Variants in MLLT1 observed in about 807,000 individuals in gnomAD.
MLLT1 encodes the protein MLLT1 super elongation complex subunit.
A neutral mutation model predicts 55.1 loss-of-function variants in MLLT1; 11 were observed. The ratio of observed to expected loss-of-function variants is 0.20; its 90% CI spans 0.13 to 0.33. The LOEUF (loss-of-function observed/expected upper bound fraction) is 0.33, where lower values mean the gene tolerates loss of function less well. MLLT1 is among the 10% of genes least tolerant of loss of function. The probability of loss-of-function intolerance (pLI) is 1.00; values close to 1 mark genes in which losing one functional copy is unlikely to be tolerated. For synonymous variants in MLLT1, 323 were observed against 320.1 expected, an observed-to-expected ratio of 1.01 and a Z score of -0.10; for missense variants, 536 against 760.6, an observed-to-expected ratio of 0.70 and a Z score of 3.47.
chr19:6,266,707 T>C lies in MLLT1; in HGVS notation c.193+3872A>G, dbSNP rs150879249. 6.3e-3 allele frequency among the ~76,000 whole-genome samples: 959 copies of C among 152,286 alleles called. 8 individuals are homozygous for C. Among genetic ancestry groups the C allele is most frequent in the African/African-American group, 0.021 (861 of 41,564 alleles). On this transcript the variant is annotated intron_variant, in intron 2 of 11. Coordinates refer to ENST00000252674, the MANE Select transcript of MLLT1 (RefSeq NM_005934.4). The stretch of plus-strand genomic sequence containing the variant: ...CCTGATCTCAGGTGATCCGCCTGCC[T>C]CAGCCTCCCAAAGTTCTGGGATTAC...
chr19:6,246,589 A>G (rs958196743), intron 3 of MLLT1, among the ~76,000 whole-genome samples: 1 of 152,174 alleles, frequency 6.6e-6, no homozygotes, highest in African/African-American at 2.4e-5. Flanking sequence ...GGTAAACTAC[A>G]AGAATGGCAA....
At chr19:6,272,508 T>A (rs2091403503) in intron 1 of MLLT1, among the ~76,000 whole-genome samples, 1 of 152,176 alleles carries the variant, frequency 6.6e-6, no homozygotes, top group Non-Finnish European at 1.5e-5. Context: ...CCCTTTCTGG[T>A]AGCCACGCTG....
At chr19:6,249,273 T>C (rs2091195022) in intron 3 of MLLT1, among the ~76,000 whole-genome samples, 1 of 152,150 alleles carries the variant, frequency 6.6e-6, no homozygotes, top group Non-Finnish European at 1.5e-5. Context: ...TTTTGAACTT[T>C]TTTAACGCGG....
At position 6,212,433 on chromosome 19, in the gene MLLT1, T is replaced by C; in HGVS notation, c.*609A>G. 2 of 1,063,784 alleles carry C rather than the reference T, an allele frequency of 1.9e-6. No homozygotes were observed. The highest frequency in any genetic ancestry group is 5.0e-5 in the East Asian group (1 of 20,138). The allele number at this position is 1,063,784 out of a possible 1,614,324, so 65.9% of individuals were successfully genotyped here. On this transcript the variant is annotated 3_prime_UTR_variant, in exon 12 of 12. Transcript: ENST00000252674. ...CACCCCCCACCCACCCCACGTGCAC[T>C]GCTGCCACAGAAACGCACATGGACA... is the stretch of plus-strand genomic sequence containing the variant.
chr19:6,259,270 C>T (rs1237886595), intron 3 of MLLT1: 2 of 152,480 alleles, frequency 1.3e-5, no homozygotes, highest in South Asian at 2.1e-4. Flanking sequence ...CGAGCCCTGG[C>T]TACACCAGGT....
intron 3 of MLLT1, among the ~76,000 whole-genome samples, chr19:6,250,624 C>T (rs949988842): frequency 2.6e-5 from 4 of 152,230 alleles, no homozygotes; most frequent in Non-Finnish European, 4.4e-5. Flanking sequence ...GTGGATTCAA[C>T]GGCCCCTGGC....
intron 3 of MLLT1, among the ~76,000 whole-genome samples, chr19:6,233,018 G>A (rs548084327): frequency 7.2e-5 from 11 of 152,284 alleles, no homozygotes; most frequent in East Asian, 5.8e-4. Context: ...CTCTGGGCCC[G>A]GCGTCCTCTG....
chr19:6,260,015 C>G (rs754958034), intron 3 of MLLT1, among the ~76,000 whole-genome samples: 5 of 152,052 alleles, frequency 3.3e-5, no homozygotes, highest in Non-Finnish European at 7.4e-5. Context: ...TGAAGGGCAC[C>G]GAGGGAGCTG....
At position 6,216,504 on chromosome 19, in the gene MLLT1, C is replaced by T. The variant is rs780435265; in HGVS notation, c.1208G>A (p.Arg403His). ...PSQNHSQGPL[R>H]SMVEDLQSEE... Reference sequence around the variant, plus strand: ...GGACTGCAGGTCCTCCACCATGGAGCGCAGGGGTCCTGGGGAGGCGGGGCA... The same window carrying T: ...GGACTGCAGGTCCTCCACCATGGAGTGCAGGGGTCCTGGGGAGGCGGGGCA... The change falls in exon 8 of 12, where the codon CGC becomes CAC. Residue 403 changes from arginine (R) to histidine (H), a missense_variant. This residue lies in a region of MLLT1 where 449 missense variants were observed against 489.0 expected (regional missense o/e 0.92). Coordinates refer to ENST00000252674, the MANE Select transcript of MLLT1 (RefSeq NM_005934.4). The T allele has an allele frequency of 1.5e-5, 24 of 1,593,948 alleles. No individual in the cohort carries two copies. The highest frequency in any genetic ancestry group is 2.0e-5 in the Non-Finnish European group (23 of 1,170,890).
At chr19:6,220,072 G>A (rs1019526830) in intron 6 of MLLT1, among the ~76,000 whole-genome samples, 55 of 152,378 alleles carry the variant, frequency 3.6e-4, no homozygotes, top group African/African-American at 1.2e-3. Flanking sequence ...GGCAGCAGCT[G>A]GAGGACGTGG....
At chr19:6,243,765 C>T (rs148137706) in intron 3 of MLLT1, among the ~76,000 whole-genome samples, 1,993 of 152,222 alleles carry the variant, frequency 0.013, 42 homozygotes, top group African/African-American at 0.045. Flanking sequence ...GTCAATCGGC[C>T]GGGCACGGTG....
Position 6,212,931 on chromosome 19 carries a change from G to A in MLLT1, c.*111C>T. On this transcript the variant is annotated 3_prime_UTR_variant, in exon 12 of 12. Transcript: ENST00000252674. The stretch of plus-strand genomic sequence containing the variant: ...AGCGGGCTGTGCGGGCGAGGACAGG[G>A]CTGTCGCTAAGGCAGTGCTGCGGGC... 2.2e-6 allele frequency: 3 copies of A among 1,367,708 alleles called. No individual in the cohort carries two copies. The highest frequency in any genetic ancestry group is 2.0e-6 in the Non-Finnish European group (2 of 999,478). The allele number at this position is 1,367,708 out of a possible 1,614,324, so 84.7% of individuals were successfully genotyped here.
At chr19:6,278,491 A>G (rs558733780) in intron 1 of MLLT1, among the ~76,000 whole-genome samples, 5 of 149,100 alleles carry the variant, frequency 3.4e-5, no homozygotes, top group South Asian at 2.2e-4. Context: ...CTGGGGGAAA[A>G]AAACAGAAAA....
Position 6,217,934 on chromosome 19 carries a change from C to T in MLLT1, c.1198+20G>A, listed in dbSNP as rs374674967. 1.9e-6 allele frequency: 3 copies of T among 1,588,944 alleles called. No individual in the cohort carries two copies. Among genetic ancestry groups the T allele is most frequent in the African/African-American group, 1.4e-5 (1 of 73,298 alleles). On this transcript the variant is annotated intron_variant, in intron 7 of 11. Transcript: ENST00000252674. ...CCTCCCCGGCCCCATCCGTGCCCCC[C>T]AGCTGCTCTCCATACACACCTTGGC...
rs1468106642 is a variant in MLLT1, at chr19:6,242,858, A to G, written c.277-12145T>C. ...GAGCCGACACCGGCCACAGGAGAGGAAAGCAGGCCACTGTCATCTCAGATG... is the reference window on the plus strand; with the variant it reads ...GAGCCGACACCGGCCACAGGAGAGGGAAGCAGGCCACTGTCATCTCAGATG... On this transcript the variant is annotated intron_variant, in intron 3 of 11. Transcript: ENST00000252674. Among the ~76,000 whole-genome samples the G allele has an allele frequency of 5.3e-5, 8 of 152,122 alleles. No homozygotes were observed. In the South Asian group the frequency reaches 1.7e-3, roughly 32 times the overall value.
intron 1 of MLLT1, among the ~76,000 whole-genome samples, chr19:6,271,509 C>T (rs1303584000): frequency 3.3e-5 from 5 of 152,182 alleles, no homozygotes; most frequent in South Asian, 2.1e-4. Context: ...GAGCACATGT[C>T]GTGTCTGACA....
Position 6,230,791 on chromosome 19 carries a change from C to T in MLLT1, c.277-78G>A. The T allele has an allele frequency of 6.5e-7, 1 of 1,550,124 alleles. No individual in the cohort carries two copies. Among genetic ancestry groups the T allele is most frequent in the Non-Finnish European group, 8.8e-7 (1 of 1,137,652 alleles). ...GACACAGCTCCCCATTGGCCCTGGT[C>T]CTCCCCTCTCCCTCACTGGGCCTCT... On this transcript the variant is annotated intron_variant, in intron 3 of 11. Transcript: ENST00000252674. This position sits in a 1 kb window ranked among gnomAD's most constrained non-coding sequence, Gnocchi z 9.0.
intron 2 of MLLT1, among the ~76,000 whole-genome samples, chr19:6,266,479 C>T (rs1476992192): frequency 6.6e-6 from 1 of 152,050 alleles, no homozygotes; most frequent in Admixed American, 6.6e-5. Flanking sequence ...TTTTTTGAGA[C>T]AGAGTTTCTC....
intron 2 of MLLT1, among the ~76,000 whole-genome samples, chr19:6,263,663 C>T (rs1600214006): frequency 6.6e-6 from 1 of 152,300 alleles, no homozygotes; most frequent in South Asian, 2.1e-4. Flanking sequence ...ACTCTCCTGC[C>T]TGAGAGCCCA....
Sources: allele counts gnomAD v4.1 joint callset (sites outside exome capture counted in the v4.1 genomes callset), GRCh38; gene constraint gnomAD v4.1.1; regional missense constraint gnomAD v4.1.1; non-coding constraint Gnocchi (gnomAD v3.1); transcripts MANE v1.5; gene names NCBI Gene and HGNC (gene_info 2026-07-23, HGNC 2026-07-21).